Variants in FRRS1 observed in about 807,000 individuals in gnomAD.
FRRS1 encodes ferric reductase 1.
In FRRS1, 51 loss-of-function variants were observed where a neutral mutation model predicts 70.7. The ratio of observed to expected loss-of-function variants is 0.72; its 90% CI spans 0.58 to 0.91. FRRS1 has a LOEUF of 0.91. Among genes scored for constraint, FRRS1 ranks in the 40% least tolerant of loss-of-function variants. FRRS1 has a pLI of 0.00. For missense variants in FRRS1, 672 were observed against 726.0 expected (o/e 0.93, Z 0.86); for synonymous variants, 225 against 238.7 (o/e 0.94, Z 0.53).
At chr1:99,724,832 AT>A (rs1655003448) in intron 9 of FRRS1, among the ~76,000 whole-genome samples, 2 of 151,786 alleles carry the variant, frequency 1.3e-5, no homozygotes, top group Non-Finnish European at 2.9e-5. Context: ...ATATATGTAT[AT>A]TTTTGTTAAT....
chr1:99,715,729 G>A, intron 11 of FRRS1, 57 bp from the exon 12 acceptor site: 1 of 1,214,692 alleles, frequency 8.2e-7, no homozygotes, highest in Non-Finnish European at 1.2e-6. Context: ...GAAAGGTGGT[G>A]TTGCAACGGG....
chr1:99,761,218 T>C (rs1657100374), intron 1 of FRRS1, among the ~76,000 whole-genome samples: 1 of 151,682 alleles, frequency 6.6e-6, no homozygotes, highest in East Asian at 2.0e-4. Flanking sequence ...CCTCCACGTA[T>C]CAGACTCAAG....
intron 7 of FRRS1, among the ~76,000 whole-genome samples, chr1:99,732,841 ACAATTT>A (rs1380746725): frequency 4.2e-5 from 3 of 71,118 alleles, no homozygotes; most frequent in African/African-American, 1.0e-4. Flanking sequence ...TATTTTTGAG[ACAATTT>A]TTTTTTTTTT....
chr1:99,755,200 A>C (rs1656770504), intron 1 of FRRS1, among the ~76,000 whole-genome samples: 1 of 152,034 alleles, frequency 6.6e-6, no homozygotes, highest in Admixed American at 6.6e-5. Flanking sequence ...CCGGAGAATT[A>C]CTTGAAGCCA....
rs985332874 is a variant in FRRS1, at chr1:99,705,900, T to C, written c.*3128A>G. 6.6e-5 allele frequency among the ~76,000 whole-genome samples: 10 copies of C among 152,338 alleles called. No individual in the cohort carries two copies. The highest frequency in any genetic ancestry group is 5.8e-4 in the East Asian group (3 of 5,192). The stretch of plus-strand genomic sequence containing the variant: ...ATTTTGCTCATTGTTTTTGGCAACA[T>C]TGCTAAAGATATAAAAGCATTTAAT... On this transcript the variant is annotated 3_prime_UTR_variant, in exon 17 of 17. Coordinates refer to ENST00000646001, the MANE Select transcript of FRRS1 (RefSeq NM_001361041.2).
In FRRS1 at chr1:99,738,278, T is replaced by A. The variant is rs1212831367; in HGVS notation, c.577-10A>T. The A allele has an allele frequency of 1.3e-6, 2 of 1,556,236 alleles. No homozygotes were observed. Among genetic ancestry groups the A allele is most frequent in the Non-Finnish European group, 1.7e-6 (2 of 1,153,428 alleles). The stretch of plus-strand genomic sequence containing the variant: ...AATCTGAGGCACTGAACTAGAAAAA[T>A]GACAGAGGAAAAAAAAATCTTAATT... On this transcript the variant is annotated splice_polypyrimidine_tract_variant and intron_variant, in intron 6 of 16. Transcript: ENST00000646001.
intron 1 of FRRS1, among the ~76,000 whole-genome samples, chr1:99,753,714 G>A: frequency 6.6e-6 from 1 of 152,044 alleles, no homozygotes; most frequent in East Asian, 1.9e-4. Context: ...AGAGCTTGCA[G>A]TGAGCTGTGA....
rs1248961230 is a variant in FRRS1 at position 99,707,543 on chromosome 1, AAAAT to A, written c.*1481_*1484del. 6.6e-6 allele frequency among the ~76,000 whole-genome samples: 1 copy of A among 152,226 alleles called. No individual in the cohort carries two copies. Among genetic ancestry groups the A allele is most frequent in the Non-Finnish European group, 1.5e-5 (1 of 68,036 alleles). On this transcript the variant is annotated 3_prime_UTR_variant, in exon 17 of 17. Transcript: ENST00000646001. ...TAATCACAGAAAACAAATAAACTGG[AAAAT>A]AAACAGCGGTTACTAATTTAAGGTT...
chr1:99,755,716 G>A (rs545573888), intron 1 of FRRS1, among the ~76,000 whole-genome samples: 3 of 152,262 alleles, frequency 2.0e-5, no homozygotes, highest in African/African-American at 7.2e-5. Flanking sequence ...AAGTGAACCA[G>A]AAGACATTCA....
intron 7 of FRRS1, among the ~76,000 whole-genome samples, chr1:99,736,400 T>C (rs1439500637): frequency 6.6e-6 from 1 of 152,166 alleles, no homozygotes; most frequent in Non-Finnish European, 1.5e-5. Context: ...ACTTAAGGTA[T>C]ATCTTTTGTT....
intron 1 of FRRS1, among the ~76,000 whole-genome samples, chr1:99,757,521 T>G (rs1489064596): frequency 3.3e-5 from 5 of 152,188 alleles, no homozygotes. Flanking sequence ...AGTATAAATA[T>G]GGCAAATAAA....
intron 5 of FRRS1, among the ~76,000 whole-genome samples, chr1:99,741,730 G>T: frequency 6.6e-6 from 1 of 152,198 alleles, no homozygotes; most frequent in Non-Finnish European, 1.5e-5. Flanking sequence ...CAATCTAAAA[G>T]TAGTATTATA....
chr1:99,742,392 AT>A (rs1656014132), intron 4 of FRRS1, 119 bp from the exon 5 acceptor site: 3 of 638,876 alleles, frequency 4.7e-6, no homozygotes, highest in African/African-American at 1.8e-5. Flanking sequence ...GGTGAAGACT[AT>A]TTTATTTAGA....
chr1:99,742,039 G>C lies in FRRS1; in HGVS notation c.428+140C>G. 3 of 558,606 alleles carry C rather than the reference G, an allele frequency of 5.4e-6. No individual in the cohort carries two copies. In the South Asian group the frequency reaches 7.8e-5, roughly 15 times the overall value. 34.6% of individuals were successfully genotyped at this position (558,606 alleles called of 1,614,324 possible). On this transcript the variant is annotated intron_variant, in intron 5 of 16. Coordinates refer to ENST00000646001, the MANE Select transcript of FRRS1 (RefSeq NM_001361041.2). ...TGTAAACTTTTTTTTCCTTTTTTTA[G>C]AGATGGGGTTTCACCATGTTGCCCA...
At chr1:99,725,674 G>A (rs1471519240) in intron 9 of FRRS1, among the ~76,000 whole-genome samples, 2 of 152,186 alleles carry the variant, frequency 1.3e-5, no homozygotes, top group Non-Finnish European at 2.9e-5. Context: ...AGCCGGCAAG[G>A]GAGGGGGAAC....
In FRRS1 at chr1:99,706,408, C is replaced by CA. The variant is rs57154873; in HGVS notation, c.*2619dup. 4.7e-3 allele frequency among the ~76,000 whole-genome samples: 435 copies of CA among 92,846 alleles called. 1 individual carries two copies. The highest frequency in any genetic ancestry group is 7.4e-3 in the Non-Finnish European group (306 of 41,384). The allele number at this position is 92,846 out of a possible 152,430, so 60.9% of individuals were successfully genotyped here. On this transcript the variant is annotated 3_prime_UTR_variant, in exon 17 of 17. Coordinates refer to ENST00000646001, the MANE Select transcript of FRRS1 (RefSeq NM_001361041.2). Reference sequence around the variant, plus strand: ...TGGGCAACAGAGTAAGACCCTGTCTCAAAAAAAAAAAAAAAAGATTAAATG... The same window carrying CA: ...TGGGCAACAGAGTAAGACCCTGTCTCAAAAAAAAAAAAAAAAAGATTAAATG...
At position 99,706,111 on chromosome 1, in the gene FRRS1, G is replaced by A. The variant is rs1654029865; in HGVS notation, c.*2917C>T. Among the ~76,000 whole-genome samples, 1 of 152,014 alleles carries A rather than the reference G, an allele frequency of 6.6e-6. No homozygotes were observed. The highest frequency in any genetic ancestry group is 1.5e-5 in the Non-Finnish European group (1 of 68,022). The stretch of plus-strand genomic sequence containing the variant: ...AAAGATTTGGTCTATTTGGGGCCAG[G>A]TGCAATGGCTCATGCCTATAATCCC... On this transcript the variant is annotated 3_prime_UTR_variant, in exon 17 of 17. Coordinates refer to ENST00000646001, the MANE Select transcript of FRRS1 (RefSeq NM_001361041.2).
chr1:99,717,663 C>T, intron 10 of FRRS1, 138 bp from the exon 11 acceptor site: 2 of 632,640 alleles, frequency 3.2e-6, no homozygotes, highest in Admixed American at 2.7e-5. Context: ...TAAAAAGATG[C>T]TATACATTAT....
intron 7 of FRRS1, among the ~76,000 whole-genome samples, chr1:99,731,433 A>G (rs1344448142): frequency 6.6e-6 from 1 of 152,232 alleles, no homozygotes; most frequent in Non-Finnish European, 1.5e-5. Flanking sequence ...CAAAGTAATT[A>G]TGTACTGTTA....
Sources: allele counts gnomAD v4.1 joint callset (sites outside exome capture counted in the v4.1 genomes callset), GRCh38; gene constraint gnomAD v4.1.1; transcripts MANE v1.5; gene names NCBI Gene and HGNC (gene_info 2026-07-23, HGNC 2026-07-21).